VPS37C: variants seen among roughly 807,000 people sequenced by gnomAD.
VPS37C encodes VPS37C subunit of ESCRT-I, also known as vacuolar protein sorting-associated protein 37C.
VPS37C carries 9 observed loss-of-function variants against 16.1 expected under a neutral mutation model. The ratio of observed to expected loss-of-function variants is 0.56; its 90% CI spans 0.34 to 0.97. VPS37C has a LOEUF of 0.97. VPS37C is among the 50% of genes least tolerant of loss of function. The pLI is 0.02. For synonymous variants in VPS37C, 207 were observed against 206.4 expected (o/e 1.00, Z -0.02); for missense variants, 479 against 472.7 (o/e 1.01, Z -0.12).
chr11:61,134,164 T>C lies in VPS37C; in HGVS notation c.137A>G (p.Asn46Ser), dbSNP rs749993283. ...QLEREMALAT[N>S]RSLAERNLEF... Reference sequence around the variant, plus strand: ...CAAGTTCCGCTCTGCCAGGCTCCGGTTGGTGGCCAGTGCCATCTCCCGTTC... The same window carrying C: ...CAAGTTCCGCTCTGCCAGGCTCCGGCTGGTGGCCAGTGCCATCTCCCGTTC... The change falls in exon 3 of 5, where the codon AAC (asparagine) becomes AGC (serine). Residue 46 changes from asparagine to serine, a missense_variant. Physicochemically the swap from Asn to Ser is conservative, Grantham distance 46 (BLOSUM62 1). Coordinates refer to ENST00000301765, the MANE Select transcript of VPS37C (RefSeq NM_017966.5). 3.7e-6 allele frequency: 6 copies of C among 1,613,952 alleles called. No homozygotes were observed. The highest frequency in any genetic ancestry group is 4.2e-6 in the Non-Finnish European group (5 of 1,179,914).
intron 1 of VPS37C, among the ~76,000 whole-genome samples, chr11:61,142,399 T>C (rs748347146): frequency 4.6e-5 from 7 of 152,160 alleles, no homozygotes; most frequent in Non-Finnish European, 1.0e-4. Context: ...ACCCAGCTAA[T>C]TTTTTCAAAT....
rs751396002 is a variant in VPS37C, at chr11:61,147,698, C to CAA, written c.-6-8865_-6-8864dup. On this transcript the variant is annotated intron_variant, in intron 1 of 4. Transcript: ENST00000301765. The stretch of plus-strand genomic sequence containing the variant: ...GATCCTTTCCAAGGATAACCTTCAA[C>CAA]AAAAAAAAAAAAGCTGGACTGCAAA... Among the ~76,000 whole-genome samples the CAA allele has an allele frequency of 1.8e-3, 255 of 141,650 alleles. 8 individuals carry two copies. In the South Asian group the frequency reaches 0.052, roughly 29 times the overall value. 92.9% of individuals were successfully genotyped at this position (141,650 alleles called of 152,430 possible). A position where few individuals can be genotyped will look rare whatever the true frequency, so the allele number is the denominator to read the frequency against.
chr11:61,146,388 G>C (rs913102262), intron 1 of VPS37C, among the ~76,000 whole-genome samples: 2 of 152,232 alleles, frequency 1.3e-5, no homozygotes, highest in African/African-American at 4.8e-5. Flanking sequence ...ATTTTAAAAA[G>C]TCAAAAATAC....
chr11:61,138,953 A>T, intron 1 of VPS37C, 118 bp from the exon 2 acceptor site: 1 of 913,820 alleles, frequency 1.1e-6, no homozygotes, highest in Non-Finnish European at 1.7e-6. Flanking sequence ...ATACCACTCC[A>T]CCGGGAGGCT....
intron 1 of VPS37C, among the ~76,000 whole-genome samples, chr11:61,154,222 A>G (rs1853346005): frequency 6.6e-6 from 1 of 152,260 alleles, no homozygotes; most frequent in Non-Finnish European, 1.5e-5. Flanking sequence ...AATCAAGAAA[A>G]TAAGACTCAT....
Position 61,132,303 on chromosome 11 carries a change from C to A in VPS37C, c.585G>T (p.Gln195His). 1 of 1,581,434 alleles carries A rather than the reference C, an allele frequency of 6.3e-7. No homozygotes were observed. Among genetic ancestry groups the A allele is most frequent in the Non-Finnish European group, 8.6e-7 (1 of 1,161,052 alleles). ...GTPPVVEEQP[Q>H]PPLAMPPYPL... is the part of the protein sequence containing the mutation. ...GGTAGGGAGGCATGGCTAATGGTGGCTGCGGCTGCTCTTCAACCACAGGGG... is the reference window on the plus strand; with the variant it reads ...GGTAGGGAGGCATGGCTAATGGTGGATGCGGCTGCTCTTCAACCACAGGGG... The change falls in exon 5 of 5, where the codon CAG (glutamine) becomes CAT (histidine). Residue 195 changes from glutamine (Q) to histidine (H), a missense_variant. Coordinates refer to ENST00000301765, the MANE Select transcript of VPS37C (RefSeq NM_017966.5).
chr11:61,134,088 G>C lies in VPS37C; in HGVS notation c.213C>G (p.Tyr71Ter). ...GCTCCACGAGCTTCCGGAGCTCCTG[G>C]TATCTATCCGAGAGGTTTGAGCGGC... Reference protein sequence around the residue: ...EISRSNLSDRYQELRKLVERC... With the variant: ...EISRSNLSDR The change falls in exon 3 of 5, where the codon TAC becomes TAG. Residue 71 changes from tyrosine to a stop codon, truncating the protein, a stop_gained. Transcript: ENST00000301765. LOFTEE classifies it high-confidence loss of function. The C allele has an allele frequency of 3.1e-6, 5 of 1,613,840 alleles. No individual in the cohort carries two copies. The highest frequency in any genetic ancestry group is 4.2e-6 in the Non-Finnish European group (5 of 1,179,832).
At position 61,138,896 on chromosome 11, in the gene VPS37C, C is replaced by A. The variant is rs1486437273; in HGVS notation, c.-6-61G>T. The A allele has an allele frequency of 2.1e-5, 31 of 1,485,764 alleles. 1 individual carries two copies. Among genetic ancestry groups the A allele is most frequent in the Non-Finnish European group, 2.4e-5 (26 of 1,065,090 alleles). 92.0% of individuals were successfully genotyped at this position (1,485,764 alleles called of 1,614,324 possible). Reference sequence around the variant, plus strand: ...AGCCCAAGACGAAGGGACCCCCGAGCCTGTACATATGATTTATCAAAAACA... The same window carrying A: ...AGCCCAAGACGAAGGGACCCCCGAGACTGTACATATGATTTATCAAAAACA... On this transcript the variant is annotated intron_variant, in intron 1 of 4. Transcript: ENST00000301765.
At chr11:61,142,130 G>A (rs997440063) in intron 1 of VPS37C, among the ~76,000 whole-genome samples, 4 of 152,210 alleles carry the variant, frequency 2.6e-5, no homozygotes, top group African/African-American at 9.6e-5. Context: ...AAACTTTTGG[G>A]TCTCAGGACC....
intron 1 of VPS37C, among the ~76,000 whole-genome samples, chr11:61,154,553 G>C (rs1853350073): frequency 1.3e-5 from 2 of 151,776 alleles, no homozygotes; most frequent in South Asian, 4.2e-4. Context: ...AGGGACTACT[G>C]GGAAAAATGA....
intron 1 of VPS37C, among the ~76,000 whole-genome samples, chr11:61,152,699 A>C (rs1466389987): frequency 6.6e-6 from 1 of 152,116 alleles, no homozygotes; most frequent in Non-Finnish European, 1.5e-5. Flanking sequence ...TGTTCTACCT[A>C]CTAGTCCCAG....
chr11:61,133,891 T>C, intron 3 of VPS37C, 145 bp downstream of exon 3: 6 of 956,430 alleles, frequency 6.3e-6, no homozygotes, highest in Non-Finnish European at 8.9e-6. Context: ...TTTTCTTACC[T>C]ATAAAATGGA....
chr11:61,151,382 A>T (rs556161387), intron 1 of VPS37C, among the ~76,000 whole-genome samples: 1 of 152,356 alleles, frequency 6.6e-6, no homozygotes, highest in Admixed American at 6.5e-5. Context: ...CCGGCAGCAC[A>T]GGAGCAGTGC....
chr11:61,141,226 G>A (rs993895305), intron 1 of VPS37C, among the ~76,000 whole-genome samples: 22 of 151,922 alleles, frequency 1.4e-4, no homozygotes, highest in African/African-American at 4.4e-4. Flanking sequence ...AAATTAGCCC[G>A]GCGTGGTGGC....
At chr11:61,146,966 G>A (rs914059937) in intron 1 of VPS37C, among the ~76,000 whole-genome samples, 1 of 152,176 alleles carries the variant, frequency 6.6e-6, no homozygotes, top group Non-Finnish European at 1.5e-5. Context: ...GGCCCCTCCT[G>A]CAGCCTTGCC....
At chr11:61,150,744 A>C (rs1174885391) in intron 1 of VPS37C, among the ~76,000 whole-genome samples, 2 of 151,062 alleles carry the variant, frequency 1.3e-5, no homozygotes, top group Non-Finnish European at 1.5e-5. Context: ...AACCCTCACC[A>C]GCCCCTCCCC....
rs766636020 is a variant in VPS37C, at chr11:61,132,049, G to A, written c.839C>T (p.Ser280Phe). Residue 280 changes from serine (S) to phenylalanine (F), a missense_variant, in exon 5 of 5, where the codon TCT becomes TTT. Transcript: ENST00000301765. The stretch of plus-strand genomic sequence containing the variant: ...TCCCCGCAAGGGGTACCCAGGCCCA[G>A]AGGCACCCATTGGGGTCCCAGGATA... ...PGYPGTPMGA[S>F]GPGYPLRGGR... The A allele has an allele frequency of 6.5e-6, 9 of 1,391,498 alleles. No individual in the cohort carries two copies. Among genetic ancestry groups the A allele is most frequent in the Non-Finnish European group, 8.4e-6 (9 of 1,068,864 alleles). 86.2% of individuals were successfully genotyped at this position (1,391,498 alleles called of 1,614,324 possible).
intron 1 of VPS37C, among the ~76,000 whole-genome samples, chr11:61,152,809 C>T (rs1460423788): frequency 1.3e-5 from 2 of 152,214 alleles, no homozygotes; most frequent in East Asian, 3.8e-4. Flanking sequence ...CAGGCTTCTC[C>T]GCCTTTGCTC....
intron 1 of VPS37C, among the ~76,000 whole-genome samples, chr11:61,148,322 C>T (rs1853247459): frequency 6.6e-6 from 1 of 152,156 alleles, no homozygotes; most frequent in Admixed American, 6.5e-5. Context: ...TTACAAATTC[C>T]CCACATCCAC....
Sources: gnomAD v4.1 joint callset for allele counts (sites outside exome capture counted in the v4.1 genomes callset) on GRCh38, gnomAD v4.1.1 for gene constraint, MANE v1.5 for transcripts, NCBI Gene and HGNC (gene_info 2026-07-23, HGNC 2026-07-21) for gene names.